The following NTM variants were observed in gnomAD, a reference collection of about 807,000 sequenced individuals.
The protein encoded by NTM is IgLON family member 2.
NTM carries 13 observed loss-of-function variants against 42.1 expected under a neutral mutation model. The observed-to-expected ratio is 0.31, with a 90% CI of 0.20 to 0.49. The LOEUF (loss-of-function observed/expected upper bound fraction) is 0.49. NTM is among the 20% of genes least tolerant of loss of function. The pLI, the probability that NTM is intolerant of heterozygous loss-of-function variation, is 0.99. For missense variants in NTM, 373 were observed against 452.8 expected, an observed-to-expected ratio of 0.82 and a Z score of 1.60; for synonymous variants, 187 against 179.2, an observed-to-expected ratio of 1.04 and a Z score of -0.35.
chr11:131,884,247 TA>T (rs1322203833), intron 1 of NTM, among the ~76,000 whole-genome samples: 1 of 151,748 alleles, frequency 6.6e-6, no homozygotes, highest in Non-Finnish European at 1.5e-5. Context: ...CTATCTCTAC[TA>T]AAAATACAAA....
At chr11:132,077,288 C>T (rs1300801740) in intron 2 of NTM, among the ~76,000 whole-genome samples, 2 of 152,178 alleles carry the variant, frequency 1.3e-5, no homozygotes, top group African/African-American at 2.4e-5. Context: ...ATAATTAAAC[C>T]TTCTTGTCTT....
chr11:132,082,362 T>G (rs6590615), intron 2 of NTM, among the ~76,000 whole-genome samples: 38,270 of 152,010 alleles, frequency 0.25, 5,123 homozygotes, highest in African/African-American at 0.32. Context: ...AAGCCACCAT[T>G]CATGAGTTGA....
At chr11:132,077,334 G>A (rs1344790253) in intron 2 of NTM, among the ~76,000 whole-genome samples, 1 of 152,190 alleles carries the variant, frequency 6.6e-6, no homozygotes, top group East Asian at 1.9e-4. Context: ...TGACTGAAAT[G>A]TCTACTACTG....
At chr11:131,944,768 A>G (rs1311379826) in intron 2 of NTM, among the ~76,000 whole-genome samples, 1 of 152,222 alleles carries the variant, frequency 6.6e-6, no homozygotes, top group Non-Finnish European at 1.5e-5. Context: ...GTGTTGGAGT[A>G]TATGCCTGAT....
chr11:131,888,488 C>T (rs115960384), intron 1 of NTM, among the ~76,000 whole-genome samples: 8,888 of 152,160 alleles, frequency 0.058, 872 homozygotes, highest in African/African-American at 0.2. Context: ...GTTCTCCTTT[C>T]GGTTCAGCCC....
chr11:131,890,180 C>CTG (rs1190155687), intron 1 of NTM, among the ~76,000 whole-genome samples: 2 of 149,362 alleles, frequency 1.3e-5, no homozygotes, highest in Non-Finnish European at 3.0e-5. Flanking sequence ...CTCTCTCTGT[C>CTG]TCTCTCTCTC....
At chr11:131,908,380 T>C (rs1248087540) in intron 1 of NTM, among the ~76,000 whole-genome samples, 1 of 152,244 alleles carries the variant, frequency 6.6e-6, no homozygotes, top group Non-Finnish European at 1.5e-5. Context: ...GGAAAGCCTG[T>C]TGTTGTCATT....
intron 3 of NTM, among the ~76,000 whole-genome samples, chr11:132,182,197 GT>G (rs891793303): frequency 6.6e-6 from 1 of 151,984 alleles, no homozygotes; most frequent in Non-Finnish European, 1.5e-5. Flanking sequence ...TTTGTTAGTA[GT>G]GTTTATTTAA....
chr11:131,532,465 T>A (rs2051432087), intron 1 of NTM, among the ~76,000 whole-genome samples: 1 of 152,236 alleles, frequency 6.6e-6, no homozygotes. Flanking sequence ...CACCCACTCC[T>A]CTGTCATAGA....
intron 4 of NTM, among the ~76,000 whole-genome samples, chr11:132,258,764 C>A (rs984970774): frequency 6.6e-6 from 1 of 152,084 alleles, no homozygotes; most frequent in African/African-American, 2.4e-5. Context: ...AGGGACACCA[C>A]GTGGAAAAGA....
intron 2 of NTM, among the ~76,000 whole-genome samples, chr11:132,136,222 T>C (rs2067899675): frequency 6.6e-6 from 1 of 151,970 alleles, no homozygotes; most frequent in Non-Finnish European, 1.5e-5. Flanking sequence ...CCGTAGATGG[T>C]AGAAATGGAG....
intron 2 of NTM, among the ~76,000 whole-genome samples, chr11:131,993,936 G>A (rs1387275623): frequency 1.3e-5 from 2 of 151,026 alleles, no homozygotes; most frequent in Non-Finnish European, 2.9e-5. Flanking sequence ...CTGGAAGGCA[G>A]AGGTTGCAGT....
At chr11:132,015,227 C>A (rs1332592834) in intron 2 of NTM, among the ~76,000 whole-genome samples, 1 of 151,910 alleles carries the variant, frequency 6.6e-6, no homozygotes, top group African/African-American at 2.4e-5. Context: ...TTTCTGAGTT[C>A]TGTATAATGC....
chr11:131,988,946 A>G (rs1485992329), intron 2 of NTM, among the ~76,000 whole-genome samples: 3 of 152,240 alleles, frequency 2.0e-5, no homozygotes, highest in East Asian at 1.9e-4. Flanking sequence ...AGTAAAATAT[A>G]TAAAAACTGA....
intron 8 of NTM, chr11:132,332,876 A>G (rs2095826539): frequency 6.6e-6 from 1 of 152,210 alleles, no homozygotes; most frequent in African/African-American, 2.4e-5. Flanking sequence ...AGAGGAGAGA[A>G]CACCTCAGTG....
intron 1 of NTM, among the ~76,000 whole-genome samples, chr11:131,792,453 T>G (rs553293452): frequency 3.9e-4 from 60 of 152,308 alleles, no homozygotes; most frequent in African/African-American, 1.4e-3. Context: ...CAAGCCGGGT[T>G]GGATTTAAGC....
intron 1 of NTM, among the ~76,000 whole-genome samples, chr11:131,892,083 A>G (rs990962766): frequency 1.3e-5 from 2 of 151,978 alleles, no homozygotes; most frequent in Non-Finnish European, 2.9e-5. Context: ...TCCACATTCC[A>G]CTATGGGAAC....
chr11:131,387,982 TG>T (rs1389108376), intron 1 of NTM, among the ~76,000 whole-genome samples: 10 of 152,216 alleles, frequency 6.6e-5, no homozygotes, highest in Admixed American at 4.6e-4. Flanking sequence ...TCAGAAAGTA[TG>T]GGGCCAGACC....
At chr11:131,424,369 G>C (rs1947836123) in intron 1 of NTM, among the ~76,000 whole-genome samples, 1 of 152,000 alleles carries the variant, frequency 6.6e-6, no homozygotes, top group Non-Finnish European at 1.5e-5. Flanking sequence ...TGCCTCTTCT[G>C]TACTGCAAAG....
Sources: gnomAD v4.1 joint callset for allele counts (sites outside exome capture counted in the v4.1 genomes callset) on GRCh38, gnomAD v4.1.1 for gene constraint, MANE v1.5 for transcripts, NCBI Gene and HGNC (gene_info 2026-07-23, HGNC 2026-07-21) for gene names.